MYH10: variants seen among roughly 807,000 people sequenced by gnomAD.
MYH10 encodes myosin-10.
In MYH10, 55 loss-of-function variants were observed where a neutral mutation model predicts 257.8. The observed-to-expected ratio is 0.21, with a 90% CI of 0.17 to 0.27. The LOEUF is 0.27. Among genes scored for constraint, MYH10 ranks in the 10% least tolerant of loss-of-function variants. The pLI, the probability that MYH10 is intolerant of heterozygous loss-of-function variation, is 1.00. For synonymous variants in MYH10, 854 were observed against 921.7 expected (o/e 0.93, Z 1.33); for missense variants, 1,631 against 2,500.6 (o/e 0.65, Z 7.42).
At chr17:8,486,284 A>G (rs1306275611) in intron 36 of MYH10, among the ~76,000 whole-genome samples, 1 of 152,240 alleles carries the variant, frequency 6.6e-6, no homozygotes, top group East Asian at 1.9e-4. Flanking sequence ...ATGAATAACT[A>G]AAAAACACTG....
intron 3 of MYH10, among the ~76,000 whole-genome samples, chr17:8,599,978 A>T (rs1479175590): frequency 6.6e-6 from 1 of 152,170 alleles, no homozygotes; most frequent in Non-Finnish European, 1.5e-5. Context: ...GCAAGGAGGG[A>T]CCCAGAGATC....
chr17:8,511,203 G>A (rs1223376924), intron 24 of MYH10: 2 of 151,564 alleles, frequency 1.3e-5, no homozygotes, highest in African/African-American at 2.4e-5. Flanking sequence ...TCCAAAAAAC[G>A]AAATTAAAAA....
rs1384698154 is a variant in MYH10 at position 8,477,519 on chromosome 17, G to A, written c.5707-471C>T. On this transcript the variant is annotated intron_variant, in intron 41 of 42. Coordinates refer to ENST00000360416, the MANE Select transcript of MYH10 (RefSeq NM_001256012.3). The surrounding 1 kb of genome is among the most constrained non-coding windows in gnomAD (Gnocchi z 4.2). ...GCAGAAAGCCACCCTGGGATGACAT[G>A]CCACAGAACTAAGAGCCTCCCTTTT... is the stretch of plus-strand genomic sequence containing the variant. Among the ~76,000 whole-genome samples, 2 of 152,126 alleles carry A rather than the reference G, an allele frequency of 1.3e-5. No homozygotes were observed. Among genetic ancestry groups the A allele is most frequent in the African/African-American group, 2.4e-5 (1 of 41,430 alleles).
At chr17:8,541,105 G>A (rs571974584) in intron 14 of MYH10, among the ~76,000 whole-genome samples, 44 of 152,288 alleles carry the variant, frequency 2.9e-4, no homozygotes, top group African/African-American at 1.1e-3. Flanking sequence ...AGGGGTGAAT[G>A]TCTTCTAGGT....
chr17:8,577,090 G>T (rs1446529052), intron 5 of MYH10, 146 bp downstream of exon 5: 3 of 581,392 alleles, frequency 5.2e-6, no homozygotes, highest in Admixed American at 6.0e-5. Context: ...GTGGAAAAAA[G>T]CATTGCTGGG....
At chr17:8,528,136 G>A (rs536996389) in intron 17 of MYH10, among the ~76,000 whole-genome samples, 1 of 152,278 alleles carries the variant, frequency 6.6e-6, no homozygotes, top group African/African-American at 2.4e-5. Context: ...TAGCACACAT[G>A]GAGGTTCAAA....
chr17:8,626,181 T>C (rs1306364380), intron 1 of MYH10, among the ~76,000 whole-genome samples: 1 of 152,204 alleles, frequency 6.6e-6, no homozygotes, highest in Non-Finnish European at 1.5e-5. Context: ...TACATGTACA[T>C]TCTGCATAAC....
rs114917630 is a variant in MYH10 at position 8,506,792 on chromosome 17, G to A, written c.3215-303C>T. Among the ~76,000 whole-genome samples the A allele has an allele frequency of 1.2e-3, 177 of 152,306 alleles. 1 individual carries two copies. The highest frequency in any genetic ancestry group is 4.1e-3 in the African/African-American group (169 of 41,556). ...CCGAAGGGAGCTGGAATCCTCTCAT[G>A]TCAAACACATCACTGTACCCAGGTT... On this transcript the variant is annotated intron_variant, in intron 26 of 42. Coordinates refer to ENST00000360416, the MANE Select transcript of MYH10 (RefSeq NM_001256012.3). This position sits in a 1 kb window ranked among gnomAD's most constrained non-coding sequence, Gnocchi z 5.0.
chr17:8,559,091 T>C lies in MYH10; in HGVS notation c.757-5073A>G, dbSNP rs191680317. On this transcript the variant is annotated intron_variant, in intron 7 of 42. Transcript: ENST00000360416. ...TAATGTCATGTTTCTTTTTTGCCCT[T>C]AGAAATATATATAATTCTTAAGTTT... is the stretch of plus-strand genomic sequence containing the variant. Among the ~76,000 whole-genome samples, 6 of 152,298 alleles carry C rather than the reference T, an allele frequency of 3.9e-5. No homozygotes were observed. The East Asian group carries it at 1.2e-3, about 29-fold the overall frequency.
rs761284331 is a variant in MYH10 at position 8,475,788 on chromosome 17, C to T, written c.*16G>A. On this transcript the variant is annotated 3_prime_UTR_variant, in exon 43 of 43. Transcript: ENST00000360416. ...TAACTGTCCCACTGTATTGCCTCCT[C>T]TGGCTTCCTGCAACTTTACTCTGAC... The T allele has an allele frequency of 1.2e-6, 2 of 1,612,920 alleles. No individual in the cohort carries two copies. The highest frequency in any genetic ancestry group is 1.7e-5 in the Admixed American group (1 of 59,936).
intron 34 of MYH10, 28 bp downstream of exon 34, chr17:8,492,269 G>C: frequency 1.2e-6 from 2 of 1,604,042 alleles, no homozygotes; most frequent in South Asian, 1.1e-5. Flanking sequence ...CTCCCGTGCG[G>C]AAGTGTGGAG....
At chr17:8,529,923 G>A (rs2081963250) in intron 17 of MYH10, among the ~76,000 whole-genome samples, 1 of 152,174 alleles carries the variant, frequency 6.6e-6, no homozygotes, top group Non-Finnish European at 1.5e-5. Context: ...GTAATACAGG[G>A]CTGAGGATTC....
In MYH10 at chr17:8,477,952, C is replaced by T. The variant is rs1912968421; in HGVS notation, c.5706+386G>A. Among the ~76,000 whole-genome samples the T allele has an allele frequency of 6.6e-6, 1 of 152,188 alleles. No individual in the cohort carries two copies. The highest frequency in any genetic ancestry group is 1.5e-5 in the Non-Finnish European group (1 of 68,024). Reference sequence around the variant, plus strand: ...AGTACCTTTGTCTTCCCTTCACTTTCTATTCAGTATCTCCTGTGCCCACCC... The same window carrying T: ...AGTACCTTTGTCTTCCCTTCACTTTTTATTCAGTATCTCCTGTGCCCACCC... On this transcript the variant is annotated intron_variant, in intron 41 of 42. Coordinates refer to ENST00000360416, the MANE Select transcript of MYH10 (RefSeq NM_001256012.3). This position sits in a 1 kb window ranked among gnomAD's most constrained non-coding sequence, Gnocchi z 4.2.
At chr17:8,500,724 A>G (rs1169260196) in intron 29 of MYH10, 102 bp downstream of exon 29, 5 of 1,391,318 alleles carry the variant, frequency 3.6e-6, no homozygotes, top group Non-Finnish European at 9.6e-7. Flanking sequence ...CAGAGGCTGG[A>G]GCCTAATCAA....
At chr17:8,561,125 T>C in intron 7 of MYH10, 3 of 611,682 alleles carry the variant, frequency 4.9e-6, no homozygotes, top group Non-Finnish European at 8.7e-6. Context: ...GGATTGTAGT[T>C]AAGTTTAGGA....
At chr17:8,593,762 G>C (rs1326595832) in intron 3 of MYH10, among the ~76,000 whole-genome samples, 1 of 152,098 alleles carries the variant, frequency 6.6e-6, no homozygotes. Context: ...GGCCTCAACT[G>C]ATCTATAGAT....
At chr17:8,528,077 C>T (rs2081904797) in intron 17 of MYH10, among the ~76,000 whole-genome samples, 1 of 152,158 alleles carries the variant, frequency 6.6e-6, no homozygotes, top group Non-Finnish European at 1.5e-5. Flanking sequence ...CAGGTTTTCC[C>T]CAATTTTTGC....
intron 4 of MYH10, among the ~76,000 whole-genome samples, chr17:8,586,674 T>C (rs1273825267): frequency 6.6e-6 from 1 of 152,166 alleles, no homozygotes; most frequent in Non-Finnish European, 1.5e-5. Flanking sequence ...AAGTACAAAC[T>C]AAAATGGTGT....
chr17:8,514,351 C>T (rs1372729233), intron 21 of MYH10, among the ~76,000 whole-genome samples: 1 of 152,120 alleles, frequency 6.6e-6, no homozygotes, highest in Admixed American at 6.5e-5. Flanking sequence ...GGTAATTTTT[C>T]TCCTCCTTCC....
Sources: gnomAD v4.1 joint callset for allele counts (sites outside exome capture counted in the v4.1 genomes callset) on GRCh38, gnomAD v4.1.1 for gene constraint, Gnocchi (gnomAD v3.1) non-coding constraint, MANE v1.5 for transcripts, NCBI Gene and HGNC (gene_info 2026-07-23, HGNC 2026-07-21) for gene names.